Variants in FGF14 observed in about 807,000 individuals in gnomAD.
FGF14 encodes the protein fibroblast growth factor 14.
Under a neutral mutation model 25.5 loss-of-function variants are expected in FGF14, and 5 were observed. The observed-to-expected ratio is 0.20, with a 90% CI of 0.10 to 0.41. The LOEUF (loss-of-function observed/expected upper bound fraction) is 0.41, where lower values mean the gene tolerates loss of function less well. FGF14 is among the 10% of genes least tolerant of loss of function. The pLI is 1.00. For missense variants in FGF14, 222 were observed against 320.1 expected, an observed-to-expected ratio of 0.69 and a Z score of 2.34; for synonymous variants, 138 against 118.3, an observed-to-expected ratio of 1.17 and a Z score of -1.08.
At chr13:102,163,283 A>T (rs1218128071) in intron 1 of FGF14, among the ~76,000 whole-genome samples, 1 of 152,164 alleles carries the variant, frequency 6.6e-6, no homozygotes, top group Non-Finnish European at 1.5e-5. Context: ...ATTATCCTCT[A>T]GCACAGAGGT....
intron 1 of FGF14, among the ~76,000 whole-genome samples, chr13:102,196,526 G>A (rs1262794424): frequency 6.6e-6 from 1 of 151,840 alleles, no homozygotes; most frequent in East Asian, 1.9e-4. Flanking sequence ...AAAAGGTAGT[G>A]GTTTATCTTT....
At chr13:101,870,085 A>G (rs1307718286) in intron 2 of FGF14, among the ~76,000 whole-genome samples, 1 of 152,214 alleles carries the variant, frequency 6.6e-6, no homozygotes, top group African/African-American at 2.4e-5. Context: ...GTTGGATATT[A>G]GTTTCACTAC....
intron 3 of FGF14, among the ~76,000 whole-genome samples, chr13:101,812,006 A>T (rs2041536651): frequency 6.6e-6 from 1 of 152,228 alleles, no homozygotes; most frequent in Non-Finnish European, 1.5e-5. Context: ...TTGAAGGATG[A>T]TGTGAAAAAG....
At chr13:101,734,961 A>G (rs1008015993) in intron 3 of FGF14, among the ~76,000 whole-genome samples, 1 of 152,202 alleles carries the variant, frequency 6.6e-6, no homozygotes, top group Non-Finnish European at 1.5e-5. Flanking sequence ...CCTCCCAACC[A>G]ACGACCTTTG....
chr13:101,837,135 T>G (rs2042963294), intron 3 of FGF14, among the ~76,000 whole-genome samples: 1 of 151,924 alleles, frequency 6.6e-6, no homozygotes, highest in African/African-American at 2.4e-5. Context: ...ATTTTTATTT[T>G]GAATTTTTCA....
rs1300272998 is a variant in FGF14 at position 101,720,769 on chromosome 13, T to TAA, written c.*2060_*2061dup. On this transcript the variant is annotated 3_prime_UTR_variant, in exon 5 of 5. Transcript: ENST00000376143. The stretch of plus-strand genomic sequence containing the variant: ...AAAAACAATAGGCTTCAAGATGACA[T>TAA]AACACCAAATCAAAAATGACCAAAG... 6.6e-6 allele frequency: 1 copy of TAA among 152,126 alleles called. No individual in the cohort carries two copies. The highest frequency in any genetic ancestry group is 1.5e-5 in the Non-Finnish European group (1 of 68,014). 9.4% of individuals were successfully genotyped at this position (152,126 alleles called of 1,614,324 possible).
At chr13:101,799,323 C>T (rs1191426822) in intron 3 of FGF14, among the ~76,000 whole-genome samples, 3 of 152,050 alleles carry the variant, frequency 2.0e-5, no homozygotes, top group African/African-American at 7.2e-5. Context: ...GAAGTCACAT[C>T]AGTGCCTTCG....
Position 101,884,863 on chromosome 13 carries a change from AT to A in FGF14, c.194-9568del. 2.0e-5 allele frequency among the ~76,000 whole-genome samples: 3 copies of A among 146,906 alleles called. No individual in the cohort carries two copies. In the East Asian group the frequency reaches 5.9e-4, roughly 29 times the overall value. ...CTTGACCAAACACACACACAGACAC[AT>A]ACATACACACACACACACACACACA... On this transcript the variant is annotated intron_variant, in intron 1 of 4. Coordinates refer to ENST00000376143, the MANE Select transcript of FGF14 (RefSeq NM_004115.4).
At chr13:102,260,767 A>ATG (rs1434558706) in intron 1 of FGF14, among the ~76,000 whole-genome samples, 3 of 152,216 alleles carry the variant, frequency 2.0e-5, no homozygotes, top group African/African-American at 7.2e-5. Flanking sequence ...GTACACACCC[A>ATG]GTGTAGCCTG....
At chr13:101,733,366 G>A (rs552249404) in intron 3 of FGF14, among the ~76,000 whole-genome samples, 1 of 152,232 alleles carries the variant, frequency 6.6e-6, no homozygotes, top group East Asian at 1.9e-4. Flanking sequence ...GGGAGGCCAA[G>A]GCAGGCGATC....
chr13:102,161,658 GAAGAAGAAGAA>G (rs2047740001), intron 1 of FGF14, among the ~76,000 whole-genome samples: 3 of 20,512 alleles, frequency 1.5e-4, no homozygotes, highest in African/African-American at 5.7e-4. Flanking sequence ...AGAAGAAGAA[GAAGAAGAAGAA>G]GAAGAAGAAG....
At chr13:102,129,305 T>C (rs9557810) in intron 1 of FGF14, among the ~76,000 whole-genome samples, 9,192 of 152,118 alleles carry the variant, frequency 0.06, 930 homozygotes, top group East Asian at 0.49. Context: ...GGATTTTTTT[T>C]CACTCCATGT....
At chr13:102,047,302 G>C (rs891644608) in intron 1 of FGF14, among the ~76,000 whole-genome samples, 3 of 151,888 alleles carry the variant, frequency 2.0e-5, no homozygotes, top group Non-Finnish European at 4.4e-5. Context: ...TGGCAGCTTC[G>C]AAATTTTGGT....
intron 3 of FGF14, among the ~76,000 whole-genome samples, chr13:101,761,913 C>T (rs960383810): frequency 6.6e-6 from 1 of 152,150 alleles, no homozygotes; most frequent in East Asian, 1.9e-4. Flanking sequence ...CAAACCAACA[C>T]AAGAGTCCCT....
rs74121017 is a variant in FGF14, at chr13:101,792,877, T to C, written c.409-66067A>G. On this transcript the variant is annotated intron_variant, in intron 3 of 4. Transcript: ENST00000376143. ...TTTTTAAAAAATTTGATTGGCTTTT[T>C]TTGTATACTGACAAATTATAGTTAT... Among the ~76,000 whole-genome samples, 1,018 of 152,112 alleles carry C rather than the reference T, an allele frequency of 6.7e-3. 15 individuals carry two copies. Among genetic ancestry groups the C allele is most frequent in the African/African-American group, 0.024 (978 of 41,456 alleles).
At chr13:102,378,832 A>C (rs2139159617) in intron 1 of FGF14, among the ~76,000 whole-genome samples, 1 of 152,264 alleles carries the variant, frequency 6.6e-6, no homozygotes, top group Admixed American at 6.6e-5. Context: ...TTTTTAAAAC[A>C]GACGACTATC....
In FGF14 at chr13:101,715,823, G is replaced by T; in HGVS notation, c.*7008C>A. On this transcript the variant is annotated 3_prime_UTR_variant, in exon 5 of 5. Transcript: ENST00000376143. ...CGAGTACCTATTAGAAATGAGTTAT[G>T]CAAATTTAGATGCAAATAACATTAG... is the stretch of plus-strand genomic sequence containing the variant. 2.1e-6 allele frequency: 1 copy of T among 479,250 alleles called. No individual in the cohort carries two copies. The highest frequency in any genetic ancestry group is 3.8e-6 in the Non-Finnish European group (1 of 265,390). 29.7% of individuals were successfully genotyped at this position (479,250 alleles called of 1,614,324 possible). A position where few individuals can be genotyped will look rare whatever the true frequency, so the allele number is the denominator to read the frequency against.
intron 3 of FGF14, among the ~76,000 whole-genome samples, chr13:101,790,282 A>C (rs998222524): frequency 2.6e-5 from 4 of 152,100 alleles, no homozygotes; most frequent in Admixed American, 2.6e-4. Context: ...ATTATATCCA[A>C]TAAGAGTAAC....
intron 1 of FGF14, among the ~76,000 whole-genome samples, chr13:102,302,419 C>T (rs1009039323): frequency 6.6e-6 from 1 of 152,068 alleles, no homozygotes; most frequent in African/African-American, 2.4e-5. Context: ...GATCAGCCTG[C>T]CCAACAGTCC....
Sources: allele counts gnomAD v4.1 joint callset (sites outside exome capture counted in the v4.1 genomes callset), GRCh38; gene constraint gnomAD v4.1.1; transcripts MANE v1.5; gene names NCBI Gene and HGNC (gene_info 2026-07-23, HGNC 2026-07-21).